Variants in RIMOC1 observed in about 807,000 individuals in gnomAD.
RIMOC1 encodes RAB7A interacting MON1-CCZ1 complex subunit 1, also known as RAB7A-interacting MON1-CCZ1 complex subunit 1.
the RIMOC1 span, chr5:41,904,351 A>G: frequency 1.9e-6 from 3 of 1,610,386 alleles, no homozygotes; most frequent in Non-Finnish European, 2.5e-6. Flanking sequence ...ACCGGGGCGC[A>G]CCCGCCGATT....
At chr5:41,911,328 T>C in the RIMOC1 span, 1 of 635,694 alleles carries the variant, frequency 1.6e-6, no homozygotes, top group South Asian at 3.6e-5. Flanking sequence ...CATAAATAAA[T>C]TGGGCTTGTT....
At chr5:41,915,457 CTATT>C in the RIMOC1 span, among the ~76,000 whole-genome samples, 1 of 152,102 alleles carries the variant, frequency 6.6e-6, no homozygotes, top group Non-Finnish European at 1.5e-5. Flanking sequence ...TTGAGAACCA[CTATT>C]TATCATATAG....
chr5:41,910,258 T>C, the RIMOC1 span, among the ~76,000 whole-genome samples: 3 of 152,058 alleles, frequency 2.0e-5, no homozygotes, highest in African/African-American at 7.2e-5. Flanking sequence ...TTGCTCCCCT[T>C]CTTAATGTTG....
At chr5:41,909,946 C>A in the RIMOC1 span, 4 of 1,383,582 alleles carry the variant, frequency 2.9e-6, no homozygotes, top group Admixed American at 1.0e-4. Context: ...ACTTGCTGTC[C>A]TGCTTTTTGG....
At chr5:41,909,032 G>C in the RIMOC1 span, among the ~76,000 whole-genome samples, 1 of 152,226 alleles carries the variant, frequency 6.6e-6, no homozygotes, top group East Asian at 1.9e-4. Flanking sequence ...AACTTTGAAA[G>C]GTATTTTAGT....
chr5:41,917,497 T>G, the RIMOC1 span: 1 of 1,258,500 alleles, frequency 7.9e-7, no homozygotes, highest in Non-Finnish European at 1.0e-6. Flanking sequence ...GGATGATTCT[T>G]TAATTTCTAA....
chr5:41,918,354 G>A, the RIMOC1 span: 1 of 985,420 alleles, frequency 1.0e-6, no homozygotes, highest in Non-Finnish European at 1.2e-6. Context: ...TCTCCTTTAT[G>A]CTCATTCCAC....
the RIMOC1 span, chr5:41,916,313 T>C: frequency 1.4e-6 from 1 of 726,960 alleles, no homozygotes; most frequent in Non-Finnish European, 1.7e-6. Flanking sequence ...TAGGTTTATT[T>C]GTCTTTCTGC....
At chr5:41,915,885 C>T in the RIMOC1 span, among the ~76,000 whole-genome samples, 8 of 152,130 alleles carry the variant, frequency 5.3e-5, no homozygotes, top group Non-Finnish European at 1.0e-4. Flanking sequence ...TCTTTATAAG[C>T]AGAAATTGAG....
chr5:41,905,061 A>T, the RIMOC1 span, among the ~76,000 whole-genome samples: 1 of 152,184 alleles, frequency 6.6e-6, no homozygotes, highest in African/African-American at 2.4e-5. Context: ...GGGCTAGGGA[A>T]TTGCCTCAAC....
At chr5:41,905,719 C>A in the RIMOC1 span, among the ~76,000 whole-genome samples, 6 of 152,322 alleles carry the variant, frequency 3.9e-5, no homozygotes, top group South Asian at 6.2e-4. Flanking sequence ...TTGAACCAGT[C>A]CAAAGAGACC....
the RIMOC1 span, chr5:41,904,481 G>A: frequency 6.2e-7 from 1 of 1,612,156 alleles, no homozygotes; most frequent in Non-Finnish European, 8.5e-7. Context: ...AGGGAGCGGA[G>A]GAGAGGGAGG....
chr5:41,917,275 C>T, the RIMOC1 span: 1 of 1,610,682 alleles, frequency 6.2e-7, no homozygotes, highest in Non-Finnish European at 8.5e-7. Flanking sequence ...AAATTTTAAA[C>T]TTCTTTCATC....
the RIMOC1 span, chr5:41,904,607 C>A: frequency 1.4e-6 from 1 of 717,568 alleles, no homozygotes; most frequent in Non-Finnish European, 2.3e-6. Context: ...TCTGTCGCTT[C>A]TGAGCCCCTC....
chr5:41,916,118 A>G, the RIMOC1 span, among the ~76,000 whole-genome samples: 1 of 152,136 alleles, frequency 6.6e-6, no homozygotes, highest in Non-Finnish European at 1.5e-5. Flanking sequence ...TCCATCATTT[A>G]TTTTTTCTTC....
the RIMOC1 span, chr5:41,904,379 A>C: frequency 3.1e-6 from 5 of 1,613,468 alleles, no homozygotes; most frequent in Non-Finnish European, 4.2e-6. Flanking sequence ...TGGCGGCCGC[A>C]GTCTCTAGTG....
the RIMOC1 span, chr5:41,907,973 A>G: frequency 2.7e-4 from 172 of 646,346 alleles, no homozygotes; most frequent in African/African-American, 2.9e-3. Context: ...CCAAAAAACT[A>G]TGAATAAAAC....
chr5:41,905,917 T>G, the RIMOC1 span, among the ~76,000 whole-genome samples: 1 of 152,204 alleles, frequency 6.6e-6, no homozygotes, highest in Non-Finnish European at 1.5e-5. Flanking sequence ...GTGGTCCACA[T>G]TATGAGCCGT....
the RIMOC1 span, chr5:41,907,792 G>A: frequency 6.2e-7 from 1 of 1,609,900 alleles, no homozygotes; most frequent in Non-Finnish European, 8.5e-7. Context: ...CCTGTGTGGA[G>A]AAGAGAAAGA....
Sources: gnomAD v4.1 joint callset for allele counts (sites outside exome capture counted in the v4.1 genomes callset) on GRCh38, gnomAD v4.1.1 for gene constraint, MANE v1.5 for transcripts, NCBI Gene and HGNC (gene_info 2026-07-23, HGNC 2026-07-21) for gene names.